Variants in ANKFY1 observed in about 807,000 individuals in gnomAD.
ANKFY1 encodes the protein ankyrin repeat and FYVE domain-containing protein 1.
A neutral mutation model predicts 128.3 loss-of-function variants in ANKFY1; 47 were observed. The observed-to-expected ratio is 0.37, with a 90% CI of 0.29 to 0.47. The LOEUF (loss-of-function observed/expected upper bound fraction) is 0.47, where lower values mean the gene tolerates loss of function less well. Among genes scored for constraint, ANKFY1 ranks in the 20% least tolerant of loss-of-function variants. ANKFY1 has a pLI of 1.00. For missense variants in ANKFY1, 1,222 were observed against 1,510.6 expected (o/e 0.81, Z 3.17); for synonymous variants, 553 against 601.6 (o/e 0.92, Z 1.18).
intron 19 of ANKFY1, among the ~76,000 whole-genome samples, chr17:4,176,712 G>A (rs1043484911): frequency 6.6e-6 from 1 of 152,198 alleles, no homozygotes; most frequent in African/African-American, 2.4e-5. Context: ...GATAGCCTCG[G>A]GGGTAAAATT....
At chr17:4,173,544 C>T in intron 20 of ANKFY1, 100 bp from the exon 21 acceptor site, 1 of 1,138,000 alleles carries the variant, frequency 8.8e-7, no homozygotes, top group Non-Finnish European at 1.3e-6. Context: ...TGGGACCCGG[C>T]CACAGCAGCG....
At chr17:4,260,120 G>C (rs1968330102) in intron 1 of ANKFY1, among the ~76,000 whole-genome samples, 1 of 152,164 alleles carries the variant, frequency 6.6e-6, no homozygotes, top group Non-Finnish European at 1.5e-5. Context: ...CAGAGAACTG[G>C]AATATATTTT....
intron 14 of ANKFY1, among the ~76,000 whole-genome samples, chr17:4,182,590 A>C: frequency 6.6e-6 from 1 of 152,200 alleles, no homozygotes; most frequent in South Asian, 2.1e-4. Context: ...CTGAAATCTT[A>C]TAGTTACTTT....
At chr17:4,207,847 C>T in intron 6 of ANKFY1, 86 bp downstream of exon 6, 1 of 1,364,258 alleles carries the variant, frequency 7.3e-7, no homozygotes, top group Non-Finnish European at 9.8e-7. Flanking sequence ...CCAGTCATGG[C>T]TCGGAAGGAA....
At chr17:4,200,180 G>C (rs1016398802) in intron 7 of ANKFY1, among the ~76,000 whole-genome samples, 3 of 151,674 alleles carry the variant, frequency 2.0e-5, no homozygotes, top group African/African-American at 7.3e-5. Flanking sequence ...TCCCAGCTCA[G>C]CCTCCTGAGT....
At chr17:4,168,015 C>T in intron 24 of ANKFY1, 104 bp from the exon 25 acceptor site, 6 of 1,307,990 alleles carry the variant, frequency 4.6e-6, no homozygotes, top group Non-Finnish European at 6.2e-6. Context: ...AAGGCGCCCG[C>T]AATGCTACTC....
intron 4 of ANKFY1, among the ~76,000 whole-genome samples, chr17:4,210,708 CAAAAAAAAAA>C (rs371731375): frequency 2.4e-5 from 1 of 42,454 alleles, no homozygotes; most frequent in Non-Finnish European, 3.7e-5. Context: ...AACTCTGTCG[CAAAAAAAAAA>C]AAAAAAAAAA....
rs79000263 is a variant in ANKFY1 at position 4,222,656 on chromosome 17, T to C, written c.323-5538A>G. ...GTCTTAAATTTTAAACCAAGGAAAA[T>C]GTGCACCAAAAATGGCCCTGACACG... On this transcript the variant is annotated intron_variant, in intron 3 of 24. Coordinates refer to ENST00000341657, the MANE Select transcript of ANKFY1 (RefSeq NM_001330063.2). The C allele has an allele frequency of 4.6e-3, 4,269 of 927,688 alleles. 114 individuals carry two copies. The African/African-American group carries it at 0.062, about 13-fold the overall frequency. 57.5% of individuals were successfully genotyped at this position (927,688 alleles called of 1,614,324 possible). A position where few individuals can be genotyped will look rare whatever the true frequency, so the allele number is the denominator to read the frequency against.
At chr17:4,238,256 C>T (rs1967014505) in intron 2 of ANKFY1, among the ~76,000 whole-genome samples, 1 of 148,546 alleles carries the variant, frequency 6.7e-6, no homozygotes, top group African/African-American at 2.5e-5. Context: ...CTAAGATGTA[C>T]ATAAAAATAC....
At chr17:4,216,814 C>A (rs942727045) in intron 4 of ANKFY1, 169 bp downstream of exon 4, 61 of 886,728 alleles carry the variant, frequency 6.9e-5, no homozygotes, top group Non-Finnish European at 9.6e-5. Flanking sequence ...AATTTAGCTA[C>A]AAGATAACAC....
intron 4 of ANKFY1, among the ~76,000 whole-genome samples, chr17:4,213,295 T>TTCTCCTG (rs1398648964): frequency 1.3e-5 from 2 of 151,210 alleles, no homozygotes; most frequent in Non-Finnish European, 3.0e-5. Flanking sequence ...GTTCAAGTGA[T>TTCTCCTG]TCTCCTGCCT....
chr17:4,168,130 A>T, intron 24 of ANKFY1: 1 of 404,406 alleles, frequency 2.5e-6, no homozygotes, highest in Non-Finnish European at 4.4e-6. Context: ...AATACTGAAG[A>T]AGGCTTTTTT....
intron 3 of ANKFY1, chr17:4,223,814 G>C: frequency 2.1e-6 from 3 of 1,407,698 alleles, no homozygotes; most frequent in Non-Finnish European, 3.0e-6. Flanking sequence ...ATGCAGGCCT[G>C]GGGGCCTACG....
intron 3 of ANKFY1, among the ~76,000 whole-genome samples, chr17:4,231,109 G>A (rs531637401): frequency 6.6e-6 from 1 of 152,282 alleles, no homozygotes; most frequent in South Asian, 2.1e-4. Flanking sequence ...ACATGTTTGA[G>A]AAACACTCTG....
chr17:4,177,391 G>A, intron 18 of ANKFY1, 89 bp from the exon 19 acceptor site: 1 of 1,210,464 alleles, frequency 8.3e-7, no homozygotes. Flanking sequence ...CCACTGGAGA[G>A]GTCACGATGG....
At chr17:4,244,146 G>C (rs545680760) in intron 1 of ANKFY1, among the ~76,000 whole-genome samples, 1 of 152,232 alleles carries the variant, frequency 6.6e-6, no homozygotes, top group Non-Finnish European at 1.5e-5. Flanking sequence ...GGCCAGGCTG[G>C]TCTCAGACTC....
chr17:4,184,974 C>T lies in ANKFY1; in HGVS notation c.1543G>A (p.Ala515Thr), dbSNP rs1198079816. ...NLTAELLQQG[A>T]NPNLQTEEAL... ...TCCTCCGTCTGCAGGTTTGGGTTGG[C>T]GCCTTGCTGCAGGAGCTCTGCCGTG... Residue 515 changes from alanine to threonine, a missense_variant, in exon 12 of 25, where the codon GCC (alanine) becomes ACC (threonine). Physicochemically the swap from Ala to Thr is moderately conservative, Grantham distance 58. Coordinates refer to ENST00000341657, the MANE Select transcript of ANKFY1 (RefSeq NM_001330063.2). 4 of 1,613,842 alleles carry T rather than the reference C, an allele frequency of 2.5e-6. No homozygotes were observed. Among genetic ancestry groups the T allele is most frequent in the Non-Finnish European group, 3.4e-6 (4 of 1,180,050 alleles).
chr17:4,171,557 C>T (rs934056070), intron 22 of ANKFY1, among the ~76,000 whole-genome samples: 6 of 152,160 alleles, frequency 3.9e-5, no homozygotes, highest in Admixed American at 1.3e-4. Context: ...ACCCAGTCAC[C>T]CTGCTAGAAT....
At chr17:4,170,458 C>CT (rs2059295778) in intron 23 of ANKFY1, among the ~76,000 whole-genome samples, 1 of 152,108 alleles carries the variant, frequency 6.6e-6, no homozygotes, top group African/African-American at 2.4e-5. Flanking sequence ...CTGCCTGGAG[C>CT]TTTGGCATTT....
Sources: gnomAD v4.1 joint callset for allele counts (sites outside exome capture counted in the v4.1 genomes callset) on GRCh38, gnomAD v4.1.1 for gene constraint, MANE v1.5 for transcripts, NCBI Gene and HGNC (gene_info 2026-07-23, HGNC 2026-07-21) for gene names.